The following NOVA2 variants were observed in gnomAD, a reference collection of about 807,000 sequenced individuals.
NOVA2 encodes NOVA alternative splicing regulator 2, also known as RNA-binding protein Nova-2.
NOVA2 carries 9 observed loss-of-function variants against 22.5 expected under a neutral mutation model. That is an observed-to-expected ratio of 0.40 (90% confidence interval 0.24 to 0.70). NOVA2 has a LOEUF of 0.70. Among genes scored for constraint, NOVA2 ranks in the 30% least tolerant of loss-of-function variants. The probability of loss-of-function intolerance (pLI) is 0.38; values close to 1 mark genes in which losing one functional copy is unlikely to be tolerated. For missense variants in NOVA2, 383 were observed against 682.8 expected, an observed-to-expected ratio of 0.56 and a Z score of 4.89; for synonymous variants, 318 against 335.2, an observed-to-expected ratio of 0.95 and a Z score of 0.56.
At chr19:45,965,770 T>C (rs1968160017) in intron 1 of NOVA2, among the ~76,000 whole-genome samples, 1 of 152,178 alleles carries the variant, frequency 6.6e-6, no homozygotes, top group African/African-American at 2.4e-5. Context: ...ATGGGCTCTA[T>C]GCCCTTGGGC....
At position 45,940,212 on chromosome 19, in the gene NOVA2, C is replaced by G. The variant is rs1490800902; in HGVS notation, c.1130G>C (p.Gly377Ala). The part of the protein sequence containing the change: ...GAGAGGGAGG[G>A]GGPLVAAAAA... Reference sequence around the variant, plus strand: ...TGCAGCGGCCACCAGCGGGCCGCCCCCTCCGCCCGCCCCGCCGCCCGCCCC... The same window carrying G: ...TGCAGCGGCCACCAGCGGGCCGCCCGCTCCGCCCGCCCCGCCGCCCGCCCC... Residue 377 changes from glycine to alanine, a missense_variant, in exon 4 of 4, where the codon GGG (glycine) becomes GCG (alanine). This residue lies in a region of NOVA2 where 349 missense variants were observed against 578.1 expected (regional missense o/e 0.60). Coordinates refer to ENST00000263257, the MANE Select transcript of NOVA2 (RefSeq NM_002516.4). 1 of 1,173,810 alleles carries G rather than the reference C, an allele frequency of 8.5e-7. No homozygotes were observed. Among genetic ancestry groups the G allele is most frequent in the Non-Finnish European group, 1.0e-6 (1 of 954,706 alleles). The allele number at this position is 1,173,810 out of a possible 1,614,324, so 72.7% of individuals were successfully genotyped here.
At chr19:45,953,020 C>T (rs972824296) in intron 3 of NOVA2, among the ~76,000 whole-genome samples, 4 of 152,264 alleles carry the variant, frequency 2.6e-5, no homozygotes, top group African/African-American at 9.6e-5. Context: ...ACGGAGTACG[C>T]ATGCATAGGG....
At chr19:45,972,557 G>C (rs570234592) in intron 1 of NOVA2, among the ~76,000 whole-genome samples, 1 of 152,060 alleles carries the variant, frequency 6.6e-6, no homozygotes, top group Non-Finnish European at 1.5e-5. Flanking sequence ...GTACCCGCTG[G>C]AGGGTCTCAA....
intron 1 of NOVA2, among the ~76,000 whole-genome samples, chr19:45,965,318 T>G (rs1171280479): frequency 6.6e-6 from 1 of 152,222 alleles, no homozygotes; most frequent in African/African-American, 2.4e-5. Flanking sequence ...GTATTCATTT[T>G]CTCTGAAGAA....
intron 1 of NOVA2, among the ~76,000 whole-genome samples, chr19:45,963,821 C>A (rs1279100514): frequency 6.6e-6 from 1 of 152,196 alleles, no homozygotes; most frequent in East Asian, 1.9e-4. Flanking sequence ...TGAGCCACCG[C>A]GCCCGGGCCC....
chr19:45,968,172 C>A (rs1375173323), intron 1 of NOVA2, among the ~76,000 whole-genome samples: 1 of 151,914 alleles, frequency 6.6e-6, no homozygotes, highest in East Asian at 1.9e-4. Flanking sequence ...GATGCAACAT[C>A]AATGTTGGGT....
Position 45,939,645 on chromosome 19 carries a change from A to T in NOVA2, c.*218T>A. 1.7e-6 allele frequency: 1 copy of T among 591,606 alleles called. No homozygotes were observed. Among genetic ancestry groups the T allele is most frequent in the East Asian group, 2.9e-5 (1 of 34,426 alleles). The allele number at this position is 591,606 out of a possible 1,614,324, so 36.6% of individuals were successfully genotyped here. A position where few individuals can be genotyped will look rare whatever the true frequency, so the allele number is the denominator to read the frequency against. Reference sequence around the variant, plus strand: ...CACAGGGAGGGAGGAAGGAGGGGTCAGTTCCGGGCTGGGGAGGGGGCTTCT... The same window carrying T: ...CACAGGGAGGGAGGAAGGAGGGGTCTGTTCCGGGCTGGGGAGGGGGCTTCT... On this transcript the variant is annotated 3_prime_UTR_variant, in exon 4 of 4. Transcript: ENST00000263257.
In NOVA2 at chr19:45,973,727, A is replaced by AG. The variant is rs1244432898; in HGVS notation, c.-377dup. ...GGCCGTGAGCAGGATGGCAGGGCCG[A>AG]GGGGGGTCTCCGATAGGGCCGGGAA... is the stretch of plus-strand genomic sequence containing the variant. On this transcript the variant is annotated 5_prime_UTR_variant, in exon 1 of 4. Transcript: ENST00000263257. 1.6e-3 allele frequency among the ~76,000 whole-genome samples: 182 copies of AG among 112,628 alleles called. No individual in the cohort carries two copies. The highest frequency in any genetic ancestry group is 6.1e-3 in the African/African-American group (174 of 28,710). The allele number at this position is 112,628 out of a possible 152,430, so 73.9% of individuals were successfully genotyped here. A position where few individuals can be genotyped will look rare whatever the true frequency, so the allele number is the denominator to read the frequency against.
chr19:45,964,561 A>ATCTCTCTCTC (rs141748431), intron 1 of NOVA2, among the ~76,000 whole-genome samples: 54,311 of 136,818 alleles, frequency 0.4, 11,547 homozygotes, highest in Non-Finnish European at 0.48. Flanking sequence ...ACACTCTCTG[A>ATCTCTCTCTC]TCTCTCTCTC....
At chr19:45,952,988 C>T (rs908128406) in intron 3 of NOVA2, among the ~76,000 whole-genome samples, 1 of 152,244 alleles carries the variant, frequency 6.6e-6, no homozygotes, top group Non-Finnish European at 1.5e-5. Flanking sequence ...TCCCGTCAGC[C>T]CAGGGGTTCT....
intron 3 of NOVA2, among the ~76,000 whole-genome samples, chr19:45,941,308 TAA>T (rs1491126044): frequency 2.0e-3 from 144 of 70,744 alleles, no homozygotes; most frequent in African/African-American, 6.6e-3. Flanking sequence ...TAAAATAAAA[TAA>T]TATATATATA....
At chr19:45,968,260 A>T (rs532898315) in intron 1 of NOVA2, among the ~76,000 whole-genome samples, 5 of 150,776 alleles carry the variant, frequency 3.3e-5, no homozygotes, top group Admixed American at 3.3e-4. Flanking sequence ...GGGTACGAGG[A>T]GGCTGGGGTT....
intron 2 of NOVA2, among the ~76,000 whole-genome samples, chr19:45,958,634 C>T (rs750656890): frequency 9.3e-5 from 14 of 150,026 alleles, no homozygotes; most frequent in Admixed American, 2.0e-4. Flanking sequence ...TGAGTGTGAG[C>T]GTGTGAGACT....
In NOVA2 at chr19:45,939,366, C is replaced by T. The variant is rs1568659231; in HGVS notation, c.*497G>A. ...CTTCCCTCAGATCTAGAACTGAAAG[C>T]AGAGAGGTGGGGTGTTGTGTTTTGG... On this transcript the variant is annotated 3_prime_UTR_variant, in exon 4 of 4. Transcript: ENST00000263257. The T allele has an allele frequency of 6.6e-6, 1 of 150,958 alleles. No individual in the cohort carries two copies. Among genetic ancestry groups the T allele is most frequent in the Non-Finnish European group, 1.5e-5 (1 of 68,588 alleles). 9.4% of individuals were successfully genotyped at this position (150,958 alleles called of 1,614,324 possible). A position where few individuals can be genotyped will look rare whatever the true frequency, so the allele number is the denominator to read the frequency against.
At chr19:45,957,879 G>T (rs901986255) in intron 2 of NOVA2, among the ~76,000 whole-genome samples, 3 of 151,762 alleles carry the variant, frequency 2.0e-5, no homozygotes, top group African/African-American at 7.3e-5. Flanking sequence ...CGGGTGGATC[G>T]CGAGGTCAGG....
chr19:45,965,480 G>A (rs1277512310), intron 1 of NOVA2, among the ~76,000 whole-genome samples: 2 of 152,216 alleles, frequency 1.3e-5, no homozygotes, highest in Non-Finnish European at 2.9e-5. Context: ...TGTAATCCTA[G>A]TGTTTTGGGA....
chr19:45,950,690 T>TG (rs1967911497), intron 3 of NOVA2, among the ~76,000 whole-genome samples: 1 of 152,146 alleles, frequency 6.6e-6, no homozygotes, highest in South Asian at 2.1e-4. Flanking sequence ...ATAGAACTGT[T>TG]GAAGTTTTAG....
intron 2 of NOVA2, among the ~76,000 whole-genome samples, chr19:45,958,433 TGA>T (rs1461985774): frequency 6.7e-6 from 1 of 149,988 alleles, no homozygotes. Flanking sequence ...TGAATGAGTG[TGA>T]GAGCACGTGT....
intron 1 of NOVA2, among the ~76,000 whole-genome samples, chr19:45,964,265 C>T (rs575788890): frequency 8.0e-5 from 12 of 150,030 alleles, no homozygotes; most frequent in African/African-American, 2.2e-4. Context: ...CTGCAACCTC[C>T]GCCTCCCGGG....
Sources: gnomAD v4.1 joint callset for allele counts (sites outside exome capture counted in the v4.1 genomes callset) on GRCh38, gnomAD v4.1.1 for gene constraint, gnomAD v4.1.1 regional missense constraint, MANE v1.5 for transcripts, NCBI Gene and HGNC (gene_info 2026-07-23, HGNC 2026-07-21) for gene names.